The following GNG7 variants were observed in gnomAD, a reference collection of about 807,000 sequenced individuals.
GNG7 encodes the protein guanine nucleotide-binding protein G(I)/G(S)/G(O) subunit gamma-7.
A neutral mutation model predicts 4.0 loss-of-function variants in GNG7; 1 was observed. The ratio of observed to expected loss-of-function variants is 0.25; its 90% confidence interval spans 0.09 to 1.18. The LOEUF is 1.18. GNG7 is among the 50% of genes most tolerant of loss of function. The pLI, the probability that GNG7 is intolerant of heterozygous loss-of-function variation, is 0.50. For synonymous variants in GNG7, 34 were observed against 36.9 expected, an observed-to-expected ratio of 0.92 and a Z score of 0.29; for missense variants, 86 against 91.9, an observed-to-expected ratio of 0.94 and a Z score of 0.26.
At chr19:2,696,310 GAAA>G (rs1913252067) in intron 1 of GNG7, among the ~76,000 whole-genome samples, 1 of 125,054 alleles carries the variant, frequency 8.0e-6, no homozygotes, top group Non-Finnish European at 1.7e-5. Flanking sequence ...AAGAAAGAAA[GAAA>G]GAAAGAAAGA....
intron 1 of GNG7, among the ~76,000 whole-genome samples, chr19:2,685,519 G>T (rs1422658544): frequency 6.6e-6 from 1 of 152,048 alleles, no homozygotes; most frequent in Non-Finnish European, 1.5e-5. Context: ...CAGCTACTTG[G>T]GAGGTTGAGA....
intron 1 of GNG7, among the ~76,000 whole-genome samples, chr19:2,670,199 G>C (rs531461067): frequency 7.2e-5 from 11 of 152,204 alleles, no homozygotes; most frequent in South Asian, 2.1e-4. Flanking sequence ...GCCTCCTCAG[G>C]GGGTGAAATA....
chr19:2,515,518 C>T (rs1972722605), intron 4 of GNG7, among the ~76,000 whole-genome samples: 1 of 152,010 alleles, frequency 6.6e-6, no homozygotes, highest in Admixed American at 6.6e-5. Context: ...ACCTCCACCT[C>T]GCGGGTTCAA....
At chr19:2,518,954 C>G (rs1978294696) in intron 4 of GNG7, among the ~76,000 whole-genome samples, 1 of 151,834 alleles carries the variant, frequency 6.6e-6, no homozygotes, top group Non-Finnish European at 1.5e-5. Flanking sequence ...TGCCACCACG[C>G]CTGGCTAATT....
rs112470488 is a variant in GNG7, at chr19:2,671,219, C to T, written c.-134-24939G>A. ...GTGACGACCACAAATCAGTACCCAA[C>T]TATGTTTAAAACTCTCCAGCTGATC... On this transcript the variant is annotated intron_variant, in intron 1 of 4. Coordinates refer to ENST00000382159, the MANE Select transcript of GNG7 (RefSeq NM_052847.3). Among the ~76,000 whole-genome samples the T allele has an allele frequency of 2.9e-3, 448 of 152,074 alleles. 8 individuals are homozygous for T. The highest frequency in any genetic ancestry group is 9.3e-3 in the African/African-American group (386 of 41,428).
intron 2 of GNG7, among the ~76,000 whole-genome samples, chr19:2,591,460 T>C (rs898630278): frequency 8.9e-6 from 1 of 112,606 alleles, no homozygotes; most frequent in Admixed American, 1.0e-4. Flanking sequence ...AGGGTTTTTT[T>C]TTTTTTTTTT....
chr19:2,691,618 G>A (rs1045170214), intron 1 of GNG7, among the ~76,000 whole-genome samples: 9 of 152,114 alleles, frequency 5.9e-5, no homozygotes, highest in African/African-American at 1.9e-4. Context: ...TGTAATCCCA[G>A]CACTTTGGGA....
intron 3 of GNG7, among the ~76,000 whole-genome samples, chr19:2,527,778 C>A (rs1014456506): frequency 2.6e-5 from 4 of 151,588 alleles, no homozygotes; most frequent in Non-Finnish European, 4.4e-5. Context: ...CAGGAAACCC[C>A]CCCCCCCACC....
At chr19:2,553,420 T>G (rs989224429) in intron 3 of GNG7, among the ~76,000 whole-genome samples, 1 of 140,898 alleles carries the variant, frequency 7.1e-6, no homozygotes, top group Non-Finnish European at 1.5e-5. Flanking sequence ...AATATACATT[T>G]TATATGCAAT....
chr19:2,644,756 C>T (rs1416307433), intron 2 of GNG7, among the ~76,000 whole-genome samples: 6 of 152,088 alleles, frequency 3.9e-5, no homozygotes, highest in Non-Finnish European at 2.9e-5. Context: ...TCTTACTGAG[C>T]GTGACGTCCT....
intron 2 of GNG7, among the ~76,000 whole-genome samples, chr19:2,623,691 G>T (rs1165592975): frequency 6.6e-6 from 1 of 152,152 alleles, no homozygotes; most frequent in Non-Finnish European, 1.5e-5. Context: ...GACCAGCCTG[G>T]GCAATGTGGT....
In GNG7 at chr19:2,601,129, C is replaced by T. The variant is rs180950074; in HGVS notation, c.-78+45095G>A. Among the ~76,000 whole-genome samples the T allele has an allele frequency of 5.3e-5, 8 of 151,872 alleles. No individual in the cohort carries two copies. The East Asian group carries it at 1.6e-3, about 29-fold the overall frequency. On this transcript the variant is annotated intron_variant, in intron 2 of 4. Transcript: ENST00000382159. The stretch of plus-strand genomic sequence containing the variant: ...CAGCCTGGGTGACAAGGAGAGACCT[C>T]CCCCCCGCCACCATCTCCAAAAACA...
rs918902129 is a variant in GNG7, at chr19:2,599,661, G to A, written c.-77-44473C>T. Among the ~76,000 whole-genome samples the A allele has an allele frequency of 6.2e-4, 95 of 152,338 alleles. 2 individuals carry two copies. The highest frequency in any genetic ancestry group is 2.2e-3 in the African/African-American group (91 of 41,572). On this transcript the variant is annotated intron_variant, in intron 2 of 4. Transcript: ENST00000382159. ...GCATGAAAACCGGGGGTTAGGCCGGGCGCGGTGGCTCACGCCTGTAATCCC... is the reference window on the plus strand; with the variant it reads ...GCATGAAAACCGGGGGTTAGGCCGGACGCGGTGGCTCACGCCTGTAATCCC...
intron 2 of GNG7, among the ~76,000 whole-genome samples, chr19:2,638,263 C>T (rs563082833): frequency 4.3e-4 from 64 of 149,784 alleles, no homozygotes; most frequent in Non-Finnish European, 8.0e-4. Context: ...CTCGGGAGGC[C>T]GAGGCAGAGA....
chr19:2,622,599 C>T (rs1277960153), intron 2 of GNG7, among the ~76,000 whole-genome samples: 18 of 145,500 alleles, frequency 1.2e-4, no homozygotes, highest in African/African-American at 4.7e-4. Flanking sequence ...GGGGGGCTTC[C>T]GGGAAGGGGA....
At chr19:2,587,278 G>A (rs1980703779) in intron 2 of GNG7, among the ~76,000 whole-genome samples, 1 of 152,096 alleles carries the variant, frequency 6.6e-6, no homozygotes, top group Non-Finnish European at 1.5e-5. Context: ...AGCATTCCCA[G>A]GTGCAGACCC....
At position 2,617,328 on chromosome 19, in the gene GNG7, C is replaced by T. The variant is rs1026642402; in HGVS notation, c.-78+28896G>A. Among the ~76,000 whole-genome samples, 2 of 152,224 alleles carry T rather than the reference C, an allele frequency of 1.3e-5. No homozygotes were observed. Among genetic ancestry groups the T allele is most frequent in the Non-Finnish European group, 2.9e-5 (2 of 68,032 alleles). On this transcript the variant is annotated intron_variant, in intron 2 of 4. Coordinates refer to ENST00000382159, the MANE Select transcript of GNG7 (RefSeq NM_052847.3). This position sits in a 1 kb window ranked among gnomAD's most constrained non-coding sequence, Gnocchi z 4.7. ...AACTGGATCTTTCAGGGAGGCAGAGCTCACCAGCCATCCAGGCACTGAGCC... is the reference window on the plus strand; with the variant it reads ...AACTGGATCTTTCAGGGAGGCAGAGTTCACCAGCCATCCAGGCACTGAGCC...
chr19:2,656,053 A>G (rs1982965975), intron 1 of GNG7, among the ~76,000 whole-genome samples: 1 of 36,908 alleles, frequency 2.7e-5, no homozygotes, highest in African/African-American at 2.1e-4. Context: ...AGAAAGAAAG[A>G]AAAAAAAAAG....
chr19:2,525,905 G>A (rs1286611582), intron 3 of GNG7, among the ~76,000 whole-genome samples: 1 of 150,420 alleles, frequency 6.6e-6, no homozygotes, highest in Non-Finnish European at 1.5e-5. Flanking sequence ...CGCCTTCCGG[G>A]TTCAAGCGAT....
Sources: gnomAD v4.1 joint callset for allele counts (sites outside exome capture counted in the v4.1 genomes callset) on GRCh38, gnomAD v4.1.1 for gene constraint, Gnocchi (gnomAD v3.1) non-coding constraint, MANE v1.5 for transcripts, NCBI Gene and HGNC (gene_info 2026-07-23, HGNC 2026-07-21) for gene names.